The following CREB3L2 variants were observed in gnomAD, a reference collection of about 807,000 sequenced individuals.
CREB3L2 encodes the protein cyclic AMP-responsive element-binding protein 3-like protein 2.
A neutral mutation model predicts 57.2 loss-of-function variants in CREB3L2; 23 were observed. That is an observed-to-expected ratio of 0.40 (90% CI 0.29 to 0.57). The LOEUF is 0.57. Ranked by LOEUF, CREB3L2 falls within the 20% of genes least tolerant of loss-of-function variation. The pLI is 0.42. For synonymous variants in CREB3L2, 268 were observed against 265.1 expected, an observed-to-expected ratio of 1.01 and a Z score of -0.11; for missense variants, 628 against 634.7, an observed-to-expected ratio of 0.99 and a Z score of 0.11.
chr7:137,906,062 A>T (rs273967), intron 5 of CREB3L2, among the ~76,000 whole-genome samples: 3 of 151,980 alleles, frequency 2.0e-5, no homozygotes, highest in Non-Finnish European at 4.4e-5. Context: ...CCTAGGGATT[A>T]TAATTCAAGG....
intron 1 of CREB3L2, chr7:137,955,370 G>T: frequency 1.7e-6 from 2 of 1,198,214 alleles, no homozygotes; most frequent in Non-Finnish European, 2.2e-6. Context: ...GGCGAAGATG[G>T]CAGTCTTATG....
At chr7:137,964,997 CCT>C (rs1390799958) in intron 1 of CREB3L2, among the ~76,000 whole-genome samples, 1 of 152,094 alleles carries the variant, frequency 6.6e-6, no homozygotes, top group African/African-American at 2.4e-5. Context: ...GTCCATGAAA[CCT>C]CTTTTTCTTT....
intron 9 of CREB3L2, 139 bp from the exon 10 acceptor site, chr7:137,885,260 C>A: frequency 8.4e-7 from 1 of 1,188,306 alleles, no homozygotes. Flanking sequence ...CACCAGAGTG[C>A]CTCACCGAGG....
chr7:137,986,878 C>A (rs1274267560), intron 1 of CREB3L2, among the ~76,000 whole-genome samples: 1 of 152,260 alleles, frequency 6.6e-6, no homozygotes, highest in Non-Finnish European at 1.5e-5. Flanking sequence ...CTGCCCCTCT[C>A]TTAGCACACA....
intron 4 of CREB3L2, among the ~76,000 whole-genome samples, chr7:137,909,838 C>T (rs1212334599): frequency 2.0e-5 from 3 of 152,156 alleles, no homozygotes; most frequent in African/African-American, 4.8e-5. Flanking sequence ...GTGGGAGGGA[C>T]CCAGCGGGAG....
intron 8 of CREB3L2, among the ~76,000 whole-genome samples, chr7:137,894,457 G>T (rs1284537055): frequency 6.6e-6 from 1 of 152,172 alleles, no homozygotes; most frequent in Non-Finnish European, 1.5e-5. Context: ...GCACACACCA[G>T]GCCTGGTTCA....
chr7:137,962,077 T>G (rs1024702747), intron 1 of CREB3L2, among the ~76,000 whole-genome samples: 11 of 152,150 alleles, frequency 7.2e-5, no homozygotes, highest in Admixed American at 2.6e-4. Flanking sequence ...AGGACCAATG[T>G]CAGGAAACAC....
At chr7:137,960,809 C>CTTTTTT (rs66493086) in intron 1 of CREB3L2, among the ~76,000 whole-genome samples, 15,437 of 95,364 alleles carry the variant, frequency 0.16, 2,714 homozygotes, top group Admixed American at 0.23. Context: ...TAAATTATTT[C>CTTTTTT]TTTTTTTTTT....
chr7:137,938,735 C>T (rs962357041), intron 1 of CREB3L2, among the ~76,000 whole-genome samples: 7 of 152,098 alleles, frequency 4.6e-5, no homozygotes, highest in Non-Finnish European at 1.0e-4. Flanking sequence ...GGGTCATGCA[C>T]CATACTAATT....
At position 138,001,840 on chromosome 7, in the gene CREB3L2, G is replaced by C; in HGVS notation, c.-135C>G. 1.7e-6 allele frequency: 1 copy of C among 572,150 alleles called. No homozygotes were observed. The highest frequency in any genetic ancestry group is 2.9e-6 in the Non-Finnish European group (1 of 342,568). 35.4% of individuals were successfully genotyped at this position (572,150 alleles called of 1,614,324 possible). ...CGCGCGTGTCTGTAGTTTTGCACTT[G>C]GAAAGCAAACGTCTGCTCCTCTGCC... On this transcript the variant is annotated 5_prime_UTR_variant, in exon 1 of 12. Transcript: ENST00000330387. This position sits in a 1 kb window ranked among gnomAD's most constrained non-coding sequence, Gnocchi z 4.2.
At chr7:137,996,575 C>T (rs931812534) in intron 1 of CREB3L2, among the ~76,000 whole-genome samples, 7 of 152,316 alleles carry the variant, frequency 4.6e-5, no homozygotes, top group Non-Finnish European at 7.4e-5. Context: ...GCTTCAATAT[C>T]GCATTGAAAT....
chr7:137,914,136 T>C (rs1800074072), intron 3 of CREB3L2, among the ~76,000 whole-genome samples: 1 of 150,344 alleles, frequency 6.7e-6, no homozygotes, highest in East Asian at 1.9e-4. Context: ...TATATATAAC[T>C]TTATTAATAT....
intron 1 of CREB3L2, among the ~76,000 whole-genome samples, chr7:137,966,733 G>C (rs1006607912): frequency 2.0e-5 from 3 of 152,200 alleles, no homozygotes; most frequent in African/African-American, 7.2e-5. Context: ...CTCCCCTGCA[G>C]TGGCTTACTG....
At chr7:137,927,703 G>C (rs555669994) in intron 2 of CREB3L2, among the ~76,000 whole-genome samples, 2 of 151,894 alleles carry the variant, frequency 1.3e-5, no homozygotes, top group Non-Finnish European at 2.9e-5. Context: ...GATCTGGGGT[G>C]GGGGACATGG....
intron 1 of CREB3L2, among the ~76,000 whole-genome samples, chr7:137,979,657 C>T (rs1038819904): frequency 3.9e-5 from 6 of 152,078 alleles, no homozygotes; most frequent in South Asian, 2.1e-4. Context: ...ACCCGAGAGG[C>T]GGAGCTTGCA....
intron 1 of CREB3L2, among the ~76,000 whole-genome samples, chr7:137,982,794 T>A (rs1360445667): frequency 6.6e-6 from 1 of 152,134 alleles, no homozygotes; most frequent in African/African-American, 2.4e-5. Context: ...TAACCTCCAA[T>A]GTGACAGTAT....
At chr7:137,911,073 T>G in intron 4 of CREB3L2, among the ~76,000 whole-genome samples, 1 of 152,206 alleles carries the variant, frequency 6.6e-6, no homozygotes, top group East Asian at 1.9e-4. Flanking sequence ...CTGAACCACA[T>G]CACAGCATAA....
intron 8 of CREB3L2, among the ~76,000 whole-genome samples, chr7:137,896,972 C>T (rs921211198): frequency 6.6e-6 from 1 of 152,138 alleles, no homozygotes; most frequent in African/African-American, 2.4e-5. Flanking sequence ...AGTGGGAGAA[C>T]TGGTCAAAGA....
Position 138,002,057 on chromosome 7 carries a change from C to T in CREB3L2, c.-352G>A, listed in dbSNP as rs1429506590. On this transcript the variant is annotated 5_prime_UTR_variant, in exon 1 of 12. Transcript: ENST00000330387. The stretch of plus-strand genomic sequence containing the variant: ...TTGCCGCTACGGCTCCAGACACAAA[C>T]TTTGAGGGACCCCAGGGCTCCTCGG... 1.0e-5 allele frequency: 3 copies of T among 298,690 alleles called. No homozygotes were observed. The highest frequency in any genetic ancestry group is 4.2e-5 in the African/African-American group (2 of 47,106). 18.5% of individuals were successfully genotyped at this position (298,690 alleles called of 1,614,324 possible).
Sources: allele counts gnomAD v4.1 joint callset (sites outside exome capture counted in the v4.1 genomes callset), GRCh38; gene constraint gnomAD v4.1.1; non-coding constraint Gnocchi (gnomAD v3.1); transcripts MANE v1.5; gene names NCBI Gene and HGNC (gene_info 2026-07-23, HGNC 2026-07-21).